The following C4orf51 variants were observed in gnomAD, a reference collection of about 807,000 sequenced individuals.
The protein encoded by C4orf51 is uncharacterized protein C4orf51.
C4orf51 carries 25 observed loss-of-function variants against 25.2 expected under a neutral mutation model. The observed-to-expected ratio is 0.99, with a 90% CI of 0.72 to 1.39. C4orf51 has a LOEUF of 1.39. Ranked by LOEUF, C4orf51 falls within the 40% of genes most tolerant of loss-of-function variation. C4orf51 has a pLI of 0.00. For missense variants in C4orf51, 252 were observed against 239.6 expected, an observed-to-expected ratio of 1.05 and a Z score of -0.34; for synonymous variants, 100 against 84.5, an observed-to-expected ratio of 1.18 and a Z score of -1.01.
At position 145,761,388 on chromosome 4, in the gene C4orf51, G is replaced by A. The variant is rs564207865; in HGVS notation, n.167-9600G>A. ...CCCCGGTGTGGACGCGCACGTGCTC[G>A]ATGAGCTTGTTGGCGGTCTTGGACA... On this transcript the variant is annotated intron_variant and non_coding_transcript_variant, in intron 1 of 1. Coordinates refer to the C4orf51 transcript ENST00000510096. The surrounding 1 kb of genome is among the most constrained non-coding windows in gnomAD (Gnocchi z 6.8). 5.3e-5 allele frequency: 69 copies of A among 1,289,908 alleles called. No individual in the cohort carries two copies. The African/African-American group carries it at 8.5e-4, about 16-fold the overall frequency. 79.9% of individuals were successfully genotyped at this position (1,289,908 alleles called of 1,614,324 possible). A position where few individuals can be genotyped will look rare whatever the true frequency, so the allele number is the denominator to read the frequency against.
At chr4:145,681,650 A>G (rs911976793) in intron 1 of C4orf51, among the ~76,000 whole-genome samples, 3 of 152,186 alleles carry the variant, frequency 2.0e-5, no homozygotes, top group African/African-American at 7.2e-5. Flanking sequence ...TTATTGGAGA[A>G]TGAGTAGTCC....
chr4:145,735,638 C>T (rs1455044947), downstream of C4orf51, among the ~76,000 whole-genome samples: 2 of 152,194 alleles, frequency 1.3e-5, no homozygotes, highest in African/African-American at 4.8e-5. Context: ...TGAGAATGAA[C>T]TTTGGCTGGC....
At chr4:145,724,821 T>C (rs1014594514) in intron 2 of C4orf51, among the ~76,000 whole-genome samples, 23 of 138,714 alleles carry the variant, frequency 1.7e-4, no homozygotes, top group African/African-American at 5.4e-4. Context: ...AAGTTGGAGG[T>C]TGCAGTGAGC....
chr4:145,701,235 T>TAAA (rs778319650), intron 2 of C4orf51, among the ~76,000 whole-genome samples: 6,512 of 148,990 alleles, frequency 0.044, 193 homozygotes, highest in Non-Finnish European at 0.064. Flanking sequence ...TGTACAATAA[T>TAAA]AAAAAAAAAA....
In C4orf51 at chr4:145,765,447, T is replaced by C; in HGVS notation, n.167-5541T>C. On this transcript the variant is annotated intron_variant and non_coding_transcript_variant, in intron 1 of 1. Coordinates refer to the C4orf51 transcript ENST00000510096. This position sits in a 1 kb window ranked among gnomAD's most constrained non-coding sequence, Gnocchi z 4.7. ...CCCAGCATACTGCATCCTGGGCCTA[T>C]TATCAGTTTTTGACATCGCTCCTGT... is the stretch of plus-strand genomic sequence containing the variant. 7.3e-7 allele frequency: 1 copy of C among 1,375,672 alleles called. No homozygotes were observed. Among genetic ancestry groups the C allele is most frequent in the Non-Finnish European group, 9.8e-7 (1 of 1,016,302 alleles). 85.2% of individuals were successfully genotyped at this position (1,375,672 alleles called of 1,614,324 possible). A position where few individuals can be genotyped will look rare whatever the true frequency, so the allele number is the denominator to read the frequency against.
At chr4:145,681,603 G>T (rs1728842321) in intron 1 of C4orf51, among the ~76,000 whole-genome samples, 2 of 152,156 alleles carry the variant, frequency 1.3e-5, no homozygotes, top group South Asian at 2.1e-4. Context: ...CACAGACTGG[G>T]TAACTTATAA....
At chr4:145,693,178 G>A (rs1443378985) in intron 1 of C4orf51, among the ~76,000 whole-genome samples, 1 of 148,804 alleles carries the variant, frequency 6.7e-6, no homozygotes, top group African/African-American at 2.5e-5. Context: ...AGGACCCTGC[G>A]GCCTTCCGCA....
At chr4:145,712,718 A>G (rs1412628812) in intron 2 of C4orf51, among the ~76,000 whole-genome samples, 1 of 152,248 alleles carries the variant, frequency 6.6e-6, no homozygotes, top group East Asian at 1.9e-4. Context: ...AGCTAAGGTA[A>G]TTAATGAAGG....
chr4:145,756,421 G>A (rs1733958906), downstream of C4orf51, among the ~76,000 whole-genome samples: 1 of 152,186 alleles, frequency 6.6e-6, no homozygotes, highest in Non-Finnish European at 1.5e-5. Flanking sequence ...CACACACCAT[G>A]TTTTCCAGAG....
intron 2 of C4orf51, among the ~76,000 whole-genome samples, chr4:145,722,245 C>T (rs1021050803): frequency 6.6e-6 from 1 of 152,202 alleles, no homozygotes; most frequent in East Asian, 1.9e-4. Context: ...TATTTTGCCA[C>T]ATTTCCTAAC....
rs1732534560 is a variant in C4orf51 at position 145,732,532 on chromosome 4, G to A, written c.581G>A (p.Trp194Ter). The A allele has an allele frequency of 6.2e-7, 1 of 1,609,990 alleles. No individual in the cohort carries two copies. Among genetic ancestry groups the A allele is most frequent in the Non-Finnish European group, 8.5e-7 (1 of 1,178,512 alleles). Residue 194 changes from tryptophan (W) to a stop codon, truncating the protein, a stop_gained, in exon 6 of 6, where the codon TGG becomes TAG. Transcript: ENST00000438731. LOFTEE classifies it low-confidence loss of function (END_TRUNC). ...SEADRYSDYGWGGPSSPFN is the reference protein window; with the variant it reads ...SEADRYSDYG ...GCTGATCGATACTCCGATTATGGCTGGGGAGGACCCTCATCGCCATTTAAC... is the reference window on the plus strand; with the variant it reads ...GCTGATCGATACTCCGATTATGGCTAGGGAGGACCCTCATCGCCATTTAAC...
At chr4:145,727,017 T>C in intron 3 of C4orf51, 48 bp downstream of exon 3, 1 of 1,413,336 alleles carries the variant, frequency 7.1e-7, no homozygotes, top group Non-Finnish European at 1.0e-6. Flanking sequence ...AGAGCTTAAA[T>C]TATTATACAC....
Position 145,763,219 on chromosome 4 carries a change from A to G in C4orf51, n.167-7769A>G. 8.3e-7 allele frequency: 1 copy of G among 1,202,750 alleles called. No homozygotes were observed. The highest frequency in any genetic ancestry group is 1.2e-6 in the Non-Finnish European group (1 of 859,144). The allele number at this position is 1,202,750 out of a possible 1,614,324, so 74.5% of individuals were successfully genotyped here. A position where few individuals can be genotyped will look rare whatever the true frequency, so the allele number is the denominator to read the frequency against. Reference sequence around the variant, plus strand: ...GTTCCATCACAGAAAAGCAATTTAGACATCAGCAGTCTGTTTCATTTTAAG... The same window carrying G: ...GTTCCATCACAGAAAAGCAATTTAGGCATCAGCAGTCTGTTTCATTTTAAG... On this transcript the variant is annotated intron_variant and non_coding_transcript_variant, in intron 1 of 1. Coordinates refer to the C4orf51 transcript ENST00000510096. The surrounding 1 kb of genome is among the most constrained non-coding windows in gnomAD (Gnocchi z 4.6).
At chr4:145,722,205 C>A in intron 2 of C4orf51, among the ~76,000 whole-genome samples, 1 of 152,172 alleles carries the variant, frequency 6.6e-6, no homozygotes, top group East Asian at 1.9e-4. Flanking sequence ...CAATACCCAC[C>A]TGCCCTCTCC....
chr4:145,692,982 A>G (rs1270587711), intron 1 of C4orf51, among the ~76,000 whole-genome samples: 1 of 74,250 alleles, frequency 1.3e-5, no homozygotes, highest in South Asian at 4.3e-4. Flanking sequence ...TTTTTTTTGT[A>G]AGTCCCATCA....
At position 145,732,560 on chromosome 4, in the gene C4orf51, A is replaced by T. The variant is rs768300368; in HGVS notation, c.609A>T (p.Ter203CysextTer4). Residue 203 changes from the stop codon to cysteine (C), a stop_lost, in exon 6 of 6, where the codon TGA (stop) becomes TGT (cysteine). Coordinates refer to ENST00000438731, the MANE Select transcript of C4orf51 (RefSeq NM_001080531.3). ...GWGGPSSPFN[*>C] is the part of the protein sequence containing the mutation. ...GAGGACCCTCATCGCCATTTAACTG[A>T]GTTGGAAAATGAAGCCACAAGGCTG... The T allele has an allele frequency of 1.2e-6, 2 of 1,602,574 alleles. No individual in the cohort carries two copies. Among genetic ancestry groups the T allele is most frequent in the Non-Finnish European group, 8.5e-7 (1 of 1,173,494 alleles).
chr4:145,784,971 C>T, the C4orf51 span, among the ~76,000 whole-genome samples: 7 of 152,206 alleles, frequency 4.6e-5, no homozygotes, highest in Non-Finnish European at 8.8e-5. Flanking sequence ...TTCCTGGCTA[C>T]TCGGTATTAT....
intron 2 of C4orf51, among the ~76,000 whole-genome samples, chr4:145,718,815 T>G (rs1731559327): frequency 6.6e-6 from 1 of 152,228 alleles, no homozygotes. Flanking sequence ...TGCTAAGCTA[T>G]TTCCCACCTC....
chr4:145,776,277 C>T, the C4orf51 span, among the ~76,000 whole-genome samples: 1 of 151,806 alleles, frequency 6.6e-6, no homozygotes, highest in Admixed American at 6.6e-5. Flanking sequence ...GGCATCACAG[C>T]GAGACTCCAT....
Sources: allele counts gnomAD v4.1 joint callset (sites outside exome capture counted in the v4.1 genomes callset), GRCh38; gene constraint gnomAD v4.1.1; non-coding constraint Gnocchi (gnomAD v3.1); transcripts MANE v1.5; gene names NCBI Gene and HGNC (gene_info 2026-07-23, HGNC 2026-07-21).